The following TMEM132D variants were observed in gnomAD, a reference collection of about 807,000 sequenced individuals.
TMEM132D encodes the protein transmembrane protein 132D, also known as mature OL transmembrane protein.
TMEM132D carries 21 observed loss-of-function variants against 62.3 expected under a neutral mutation model. That is an observed-to-expected ratio of 0.34 (90% confidence interval 0.24 to 0.49). The LOEUF (loss-of-function observed/expected upper bound fraction) is 0.49, where lower values mean the gene tolerates loss of function less well. Ranked by LOEUF, TMEM132D falls within the 20% of genes least tolerant of loss-of-function variation. TMEM132D has a pLI of 0.99. For synonymous variants in TMEM132D, 621 were observed against 575.6 expected (o/e 1.08, Z -1.13); for missense variants, 1,346 against 1,402.8 (o/e 0.96, Z 0.65).
intron 2 of TMEM132D, among the ~76,000 whole-genome samples, chr12:129,575,103 G>A (rs1267739209): frequency 1.3e-5 from 2 of 151,830 alleles, no homozygotes; most frequent in African/African-American, 4.9e-5. Flanking sequence ...ATGCTTTGCA[G>A]AAGGATAGTG....
chr12:129,543,659 A>ATGGG (rs1876654060), intron 2 of TMEM132D, among the ~76,000 whole-genome samples: 1 of 152,214 alleles, frequency 6.6e-6, no homozygotes, highest in Admixed American at 6.5e-5. Context: ...GAATGGTGCC[A>ATGGG]TGGGTGGTCC....
At chr12:129,835,135 C>T (rs1273912487) in intron 1 of TMEM132D, among the ~76,000 whole-genome samples, 2 of 151,990 alleles carry the variant, frequency 1.3e-5, no homozygotes, top group Non-Finnish European at 1.5e-5. Flanking sequence ...GGATCGGCAC[C>T]CATGGGAGAT....
chr12:129,337,319 C>G (rs868219150), intron 4 of TMEM132D, among the ~76,000 whole-genome samples: 2 of 152,072 alleles, frequency 1.3e-5, no homozygotes, highest in African/African-American at 2.4e-5. Flanking sequence ...ACACATCTAT[C>G]GAGTCGTCAA....
chr12:129,787,968 G>T (rs887975308), intron 1 of TMEM132D, among the ~76,000 whole-genome samples: 3 of 152,204 alleles, frequency 2.0e-5, no homozygotes, highest in African/African-American at 7.2e-5. Context: ...TCTGAAAACA[G>T]AAGAGACGGT....
At chr12:129,094,480 C>T (rs144630746) in intron 5 of TMEM132D, among the ~76,000 whole-genome samples, 10 of 152,108 alleles carry the variant, frequency 6.6e-5, no homozygotes, top group South Asian at 2.1e-4. Context: ...AACCACAATG[C>T]GATACCATCT....
intron 1 of TMEM132D, among the ~76,000 whole-genome samples, chr12:129,848,495 C>T (rs1040191956): frequency 6.6e-6 from 1 of 152,148 alleles, no homozygotes; most frequent in Non-Finnish European, 1.5e-5. Context: ...ATCAAAAAGA[C>T]ACGTTTTCCA....
chr12:129,800,331 A>T (rs1410515931), intron 1 of TMEM132D, among the ~76,000 whole-genome samples: 1 of 151,222 alleles, frequency 6.6e-6, no homozygotes, highest in Admixed American at 6.6e-5. Context: ...GCGGGCAGAG[A>T]GTGTCAAAAG....
At chr12:129,460,524 C>G (rs1422831732) in intron 3 of TMEM132D, among the ~76,000 whole-genome samples, 2 of 152,186 alleles carry the variant, frequency 1.3e-5, no homozygotes, top group Non-Finnish European at 2.9e-5. Context: ...TGACTGTTCT[C>G]TCATCCATGA....
chr12:129,561,174 G>A (rs1257166197), intron 2 of TMEM132D, among the ~76,000 whole-genome samples: 3 of 152,156 alleles, frequency 2.0e-5, no homozygotes, highest in Non-Finnish European at 2.9e-5. Flanking sequence ...AAGGTGGAAC[G>A]TAAAAACATG....
chr12:129,616,978 G>GT (rs1330360603), intron 2 of TMEM132D, among the ~76,000 whole-genome samples: 2 of 152,084 alleles, frequency 1.3e-5, no homozygotes, highest in African/African-American at 2.4e-5. Context: ...GTTTCATTTT[G>GT]TTTTTTGTTT....
At chr12:129,188,196 A>G (rs1274682950) in intron 5 of TMEM132D, among the ~76,000 whole-genome samples, 3 of 152,196 alleles carry the variant, frequency 2.0e-5, no homozygotes, top group Non-Finnish European at 4.4e-5. Flanking sequence ...GCCCTGAGAC[A>G]AGGCCCCACA....
intron 4 of TMEM132D, among the ~76,000 whole-genome samples, chr12:129,230,869 G>T (rs1368105939): frequency 6.6e-6 from 1 of 152,206 alleles, no homozygotes; most frequent in Non-Finnish European, 1.5e-5. Flanking sequence ...CCTCAGGAGT[G>T]ATGGCTTATG....
intron 5 of TMEM132D, among the ~76,000 whole-genome samples, chr12:129,131,682 A>G (rs1298694918): frequency 2.0e-5 from 3 of 152,148 alleles, no homozygotes; most frequent in Non-Finnish European, 2.9e-5. Context: ...CATGCTCAAG[A>G]TTGTTGAGTA....
intron 1 of TMEM132D, among the ~76,000 whole-genome samples, chr12:129,764,592 GTA>G (rs912213500): frequency 4.6e-3 from 75 of 16,338 alleles, no homozygotes; most frequent in African/African-American, 7.2e-3. Context: ...ATGTGTGTTT[GTA>G]TGTGTGTGTG....
At position 129,867,764 on chromosome 12, in the gene TMEM132D, G is replaced by A. The variant is rs1874103605; in HGVS notation, c.79+35497C>T. Among the ~76,000 whole-genome samples, 1 of 152,070 alleles carries A rather than the reference G, an allele frequency of 6.6e-6. No individual in the cohort carries two copies. Among genetic ancestry groups the A allele is most frequent in the South Asian group, 2.1e-4 (1 of 4,826 alleles). Reference sequence around the variant, plus strand: ...TTTTTGTCAATTTTACCTCAATAAAGCTTAAAAGCTAAAATAAATTTTAAA... The same window carrying A: ...TTTTTGTCAATTTTACCTCAATAAAACTTAAAAGCTAAAATAAATTTTAAA... On this transcript the variant is annotated intron_variant, in intron 1 of 8. Coordinates refer to ENST00000422113, the MANE Select transcript of TMEM132D (RefSeq NM_133448.3). The surrounding 1 kb of genome is among the most constrained non-coding windows in gnomAD (Gnocchi z 4.5).
intron 2 of TMEM132D, among the ~76,000 whole-genome samples, chr12:129,652,867 G>A (rs905306930): frequency 1.3e-5 from 2 of 152,208 alleles, no homozygotes; most frequent in Non-Finnish European, 2.9e-5. Flanking sequence ...GGAACTGGAT[G>A]TAAAGTCATG....
chr12:129,611,384 T>C (rs1015911969), intron 2 of TMEM132D, among the ~76,000 whole-genome samples: 1 of 152,216 alleles, frequency 6.6e-6, no homozygotes, highest in Non-Finnish European at 1.5e-5. Context: ...TATCTGTAAA[T>C]GTCCACAGCT....
chr12:129,477,624 T>C (rs1874305660), intron 3 of TMEM132D, among the ~76,000 whole-genome samples: 1 of 151,866 alleles, frequency 6.6e-6, no homozygotes, highest in Admixed American at 6.6e-5. Flanking sequence ...ATCGAGACCA[T>C]CCTGGCTAAC....
At chr12:129,880,328 A>G (rs78970036) in intron 1 of TMEM132D, among the ~76,000 whole-genome samples, 5,221 of 152,288 alleles carry the variant, frequency 0.034, 283 homozygotes, top group African/African-American at 0.12. Flanking sequence ...CTGAAAATGC[A>G]TAACCATCAG....
Sources: gnomAD v4.1 joint callset for allele counts (sites outside exome capture counted in the v4.1 genomes callset) on GRCh38, gnomAD v4.1.1 for gene constraint, Gnocchi (gnomAD v3.1) non-coding constraint, MANE v1.5 for transcripts, NCBI Gene and HGNC (gene_info 2026-07-23, HGNC 2026-07-21) for gene names.